Variants in TTC29 observed in about 807,000 individuals in gnomAD.
TTC29 encodes the protein tetratricopeptide repeat protein 29.
A neutral mutation model predicts 58.1 loss-of-function variants in TTC29; 49 were observed. That is an observed-to-expected ratio of 0.84 (90% CI 0.67 to 1.07). The LOEUF is 1.07. Among genes scored for constraint, TTC29 ranks in the 50% least tolerant of loss-of-function variants. TTC29 has a pLI of 0.00. For missense variants in TTC29, 582 were observed against 555.6 expected, an observed-to-expected ratio of 1.05 and a Z score of -0.48; for synonymous variants, 209 against 196.8, an observed-to-expected ratio of 1.06 and a Z score of -0.52.
intron 11 of TTC29, among the ~76,000 whole-genome samples, chr4:146,743,399 A>G (rs1288068985): frequency 2.6e-5 from 4 of 152,198 alleles, no homozygotes; most frequent in Non-Finnish European, 4.4e-5. Flanking sequence ...ACTGATTTTC[A>G]TTTCAAACTC....
intron 4 of TTC29, among the ~76,000 whole-genome samples, chr4:146,922,309 C>T (rs1376297782): frequency 6.6e-6 from 1 of 150,462 alleles, no homozygotes; most frequent in Non-Finnish European, 1.5e-5. Flanking sequence ...AAATAAAAAT[C>T]TGAGAAGAAA....
chr4:146,882,703 C>T (rs373553234), intron 6 of TTC29, among the ~76,000 whole-genome samples: 6 of 152,002 alleles, frequency 3.9e-5, no homozygotes, highest in African/African-American at 1.4e-4. Flanking sequence ...GAGAAAGGTG[C>T]GGAAGCATCT....
At chr4:146,922,012 C>CAAAAAAAAAA (rs34167190) in intron 4 of TTC29, among the ~76,000 whole-genome samples, 3 of 107,392 alleles carry the variant, frequency 2.8e-5, no homozygotes, top group African/African-American at 3.8e-5. Flanking sequence ...GGATCCCCTA[C>CAAAAAAAAAA]AAAAAAAAAA....
intron 6 of TTC29, among the ~76,000 whole-genome samples, chr4:146,888,542 G>C (rs1377790958): frequency 6.6e-6 from 1 of 152,144 alleles, no homozygotes; most frequent in Non-Finnish European, 1.5e-5. Flanking sequence ...CCCTGGAAGT[G>C]AAAAGAGAAA....
At chr4:146,874,627 C>G in intron 7 of TTC29, 89 bp downstream of exon 7, 3 of 1,059,606 alleles carry the variant, frequency 2.8e-6, no homozygotes, top group Admixed American at 4.2e-5. Context: ...AATAATCACC[C>G]TAACACTTGA....
At chr4:146,895,863 T>C (rs989877700) in intron 6 of TTC29, among the ~76,000 whole-genome samples, 1 of 152,184 alleles carries the variant, frequency 6.6e-6, no homozygotes, top group Non-Finnish European at 1.5e-5. Flanking sequence ...TCATCTAAAA[T>C]TGCATAAATA....
intron 8 of TTC29, among the ~76,000 whole-genome samples, chr4:146,841,481 G>A (rs933398851): frequency 6.6e-6 from 1 of 152,058 alleles, no homozygotes; most frequent in South Asian, 2.1e-4. Flanking sequence ...AAACACCATA[G>A]AAGCCATCAT....
intron 9 of TTC29, among the ~76,000 whole-genome samples, chr4:146,823,162 C>T (rs1466337637): frequency 6.6e-6 from 1 of 151,978 alleles, no homozygotes; most frequent in African/African-American, 2.4e-5. Context: ...GGTGTTTTTG[C>T]CATGACGTCA....
intron 4 of TTC29, among the ~76,000 whole-genome samples, chr4:146,935,224 G>A (rs1443737780): frequency 6.6e-6 from 1 of 152,088 alleles, no homozygotes; most frequent in Non-Finnish European, 1.5e-5. Context: ...TGGGAGGAAA[G>A]TCACAGCATG....
At chr4:146,906,532 A>C (rs1733532137) in intron 5 of TTC29, among the ~76,000 whole-genome samples, 1 of 152,218 alleles carries the variant, frequency 6.6e-6, no homozygotes, top group Non-Finnish European at 1.5e-5. Flanking sequence ...AGGCTTACAT[A>C]CACATTTTAA....
intron 6 of TTC29, among the ~76,000 whole-genome samples, chr4:146,893,301 C>T (rs547745562): frequency 1.3e-5 from 2 of 152,092 alleles, no homozygotes; most frequent in Non-Finnish European, 2.9e-5. Flanking sequence ...CTACAGTAAC[C>T]AAAACAGCAT....
chr4:146,713,210 C>T (rs1423301721), intron 11 of TTC29, among the ~76,000 whole-genome samples: 7 of 151,368 alleles, frequency 4.6e-5, no homozygotes, highest in Non-Finnish European at 1.0e-4. Flanking sequence ...CTTTAGCAAA[C>T]ATTTAGTCAT....
rs10019999 is a variant in TTC29, at chr4:146,760,139, A to T, written c.1330+43318T>A. ...CAAATCAGTAGCTCTTCTATACACC[A>T]ACAATAACCAAGAAGAGATTCAAAT... On this transcript the variant is annotated intron_variant, in intron 11 of 12. Coordinates refer to ENST00000325106, the MANE Select transcript of TTC29 (RefSeq NM_031956.4). 2.6e-3 allele frequency among the ~76,000 whole-genome samples: 403 copies of T among 152,176 alleles called. 1 individual carries two copies. The highest frequency in any genetic ancestry group is 9.3e-3 in the African/African-American group (388 of 41,538).
At chr4:146,876,444 A>G (rs1280090435) in intron 6 of TTC29, among the ~76,000 whole-genome samples, 1 of 152,210 alleles carries the variant, frequency 6.6e-6, no homozygotes, top group African/African-American at 2.4e-5. Flanking sequence ...ATTAGACTCA[A>G]TATCTTTCCT....
At chr4:146,711,065 A>G (rs1742457108) in intron 11 of TTC29, among the ~76,000 whole-genome samples, 1 of 152,128 alleles carries the variant, frequency 6.6e-6, no homozygotes, top group South Asian at 2.1e-4. Flanking sequence ...ATGAATTTTT[A>G]TAATTTTGGC....
chr4:146,801,427 T>C (rs1228845687), intron 11 of TTC29, among the ~76,000 whole-genome samples: 1 of 152,168 alleles, frequency 6.6e-6, no homozygotes, highest in East Asian at 1.9e-4. Context: ...TTCAGTTTTA[T>C]AATATTGTGG....
At chr4:146,844,909 G>A (rs1729071873) in intron 8 of TTC29, among the ~76,000 whole-genome samples, 1 of 152,176 alleles carries the variant, frequency 6.6e-6, no homozygotes, top group Admixed American at 6.6e-5. Flanking sequence ...AGGTAGGAGG[G>A]CACTCAGACA....
chr4:146,872,860 C>T (rs1731023462), intron 7 of TTC29, among the ~76,000 whole-genome samples: 1 of 151,952 alleles, frequency 6.6e-6, no homozygotes. Flanking sequence ...ATCATATAAC[C>T]CAGCGATGCC....
intron 11 of TTC29, among the ~76,000 whole-genome samples, chr4:146,722,286 A>G (rs576347452): frequency 2.4e-4 from 36 of 152,310 alleles, no homozygotes; most frequent in African/African-American, 8.7e-4. Flanking sequence ...CAAGCTACCA[A>G]CATCATTTTT....
Sources: gnomAD v4.1 joint callset for allele counts (sites outside exome capture counted in the v4.1 genomes callset) on GRCh38, gnomAD v4.1.1 for gene constraint, MANE v1.5 for transcripts, NCBI Gene and HGNC (gene_info 2026-07-23, HGNC 2026-07-21) for gene names.